SORL1: variants seen among roughly 807,000 people sequenced by gnomAD.
SORL1 encodes sortilin related receptor 1, also known as sortilin-related receptor.
In SORL1, 127 loss-of-function variants were observed where a neutral mutation model predicts 273.7. The ratio of observed to expected loss-of-function variants is 0.46; its 90% confidence interval spans 0.40 to 0.54. The LOEUF is 0.54. SORL1 is among the 20% of genes least tolerant of loss of function. The pLI is 0.00. For synonymous variants in SORL1, 1,031 were observed against 1,067.4 expected, an observed-to-expected ratio of 0.97 and a Z score of 0.66; for missense variants, 2,494 against 2,846.1, an observed-to-expected ratio of 0.88 and a Z score of 2.81.
At position 121,596,687 on chromosome 11, in the gene SORL1, C is replaced by T. The variant is rs1613318; in HGVS notation, c.4519+915C>T. ...CCCTTCCTTGCCAGGATAAGGGCTT[C>T]GTCCGTGCTTGCCTGATTCCTGTCC... On this transcript the variant is annotated intron_variant, in intron 32 of 47. Transcript: ENST00000260197. The surrounding 1 kb of genome is among the most constrained non-coding windows in gnomAD (Gnocchi z 4.3). Among the ~76,000 whole-genome samples, 12 of 152,306 alleles carry T rather than the reference C, an allele frequency of 7.9e-5. No individual in the cohort carries two copies. The highest frequency in any genetic ancestry group is 7.7e-4 in the East Asian group (4 of 5,184).
intron 11 of SORL1, among the ~76,000 whole-genome samples, chr11:121,527,669 T>C (rs1862143024): frequency 6.6e-6 from 1 of 152,204 alleles, no homozygotes; most frequent in Non-Finnish European, 1.5e-5. Context: ...GATACAAGGC[T>C]ATTCAGATTT....
Position 121,612,747 on chromosome 11 carries a change from T to C in SORL1, c.5334T>C (p.Tyr1778=), listed in dbSNP as rs746839635. The stretch of plus-strand genomic sequence containing the variant: ...TTGGTTCTCGGCAGGTGAATGGCTA[T>C]GTGGTGAACCTTTTCTGGGCATTTG... The part of the protein sequence containing the change: ...TMESDIKVNG[Y]VVNLFWAFDT... The change falls in exon 40 of 48, where the codon TAT becomes TAC. Residue 1778 remains tyrosine, a synonymous_variant. Coordinates refer to ENST00000260197, the MANE Select transcript of SORL1 (RefSeq NM_003105.6). 9.3e-6 allele frequency: 15 copies of C among 1,613,908 alleles called. No individual in the cohort carries two copies. The highest frequency in any genetic ancestry group is 1.3e-5 in the Non-Finnish European group (15 of 1,179,894).
At chr11:121,508,295 C>T (rs913625436) in intron 6 of SORL1, among the ~76,000 whole-genome samples, 3 of 152,178 alleles carry the variant, frequency 2.0e-5, no homozygotes, top group African/African-American at 7.2e-5. Context: ...ATGTGCTTGA[C>T]CTTGTAGAGT....
chr11:121,627,677 C>A lies in SORL1; in HGVS notation c.6487C>A (p.Arg2163=), dbSNP rs770645727. 1 of 1,614,106 alleles carries A rather than the reference C, an allele frequency of 6.2e-7. No homozygotes were observed. The highest frequency in any genetic ancestry group is 1.1e-5 in the South Asian group (1 of 91,074). ...GTTTGCCATCCTGTACACGAAGCAC[C>A]GGAGGCTGCAGAGCAGCTTCACCGC... ...VGFAILYTKH[R]RLQSSFTAFA... The change falls in exon 47 of 48, where the codon CGG becomes AGG. Residue 2163 remains arginine (R), a synonymous_variant. Transcript: ENST00000260197. This position sits in a 1 kb window ranked among gnomAD's most constrained non-coding sequence, Gnocchi z 4.9.
intron 27 of SORL1, among the ~76,000 whole-genome samples, chr11:121,586,542 G>T (rs1047937028): frequency 6.6e-6 from 1 of 152,142 alleles, no homozygotes. Flanking sequence ...AGAAAGCAGG[G>T]TTGGGGGCGA....
Position 121,629,645 on chromosome 11 carries a change from C to A in SORL1, c.*82C>A. 10 of 669,808 alleles carry A rather than the reference C, an allele frequency of 1.5e-5. No homozygotes were observed. The highest frequency in any genetic ancestry group is 5.4e-5 in the South Asian group (3 of 55,100). 41.5% of individuals were successfully genotyped at this position (669,808 alleles called of 1,614,324 possible). A position where few individuals can be genotyped will look rare whatever the true frequency, so the allele number is the denominator to read the frequency against. ...TTGATGGTTTATTTTAAAAGATGCACTTTGAGTTGCAATATGTTATTTTTA... is the reference window on the plus strand; with the variant it reads ...TTGATGGTTTATTTTAAAAGATGCAATTTGAGTTGCAATATGTTATTTTTA... On this transcript the variant is annotated 3_prime_UTR_variant, in exon 48 of 48. Coordinates refer to ENST00000260197, the MANE Select transcript of SORL1 (RefSeq NM_003105.6).
chr11:121,621,577 A>G (rs2134949018), intron 44 of SORL1, among the ~76,000 whole-genome samples: 1 of 152,334 alleles, frequency 6.6e-6, no homozygotes, highest in African/African-American at 2.4e-5. Flanking sequence ...CAAGTGCTGT[A>G]TCTGAGAATC....
intron 11 of SORL1, among the ~76,000 whole-genome samples, chr11:121,526,924 TTCTTC>T (rs1182110141): frequency 6.6e-6 from 1 of 151,738 alleles, no homozygotes; most frequent in African/African-American, 2.4e-5. Context: ...TATTCTCTCA[TTCTTC>T]TCTTCTTCCT....
chr11:121,631,364 C>CTCTTT lies in SORL1; in HGVS notation c.*1802_*1803insCTTTT, dbSNP rs56828381. 1 of 150,932 alleles carries CTCTTT rather than the reference C, an allele frequency of 6.6e-6. No individual in the cohort carries two copies. The highest frequency in any genetic ancestry group is 1.5e-5 in the Non-Finnish European group (1 of 67,646). 9.3% of individuals were successfully genotyped at this position (150,932 alleles called of 1,614,324 possible). A position where few individuals can be genotyped will look rare whatever the true frequency, so the allele number is the denominator to read the frequency against. On this transcript the variant is annotated 3_prime_UTR_variant, in exon 48 of 48. Coordinates refer to ENST00000260197, the MANE Select transcript of SORL1 (RefSeq NM_003105.6). ...TTTTCTCTTCTTTCCTGTCACTTTC[C>CTCTTT]TAAGTTTTTTTTTTTAAAGACTGGA...
At chr11:121,593,319 C>A (rs1343963928) in intron 31 of SORL1, among the ~76,000 whole-genome samples, 1 of 152,212 alleles carries the variant, frequency 6.6e-6, no homozygotes, top group Non-Finnish European at 1.5e-5. Flanking sequence ...TTAATAATTG[C>A]TTTTTTCATT....
At chr11:121,484,246 G>A (rs1861438330) in intron 3 of SORL1, among the ~76,000 whole-genome samples, 1 of 152,196 alleles carries the variant, frequency 6.6e-6, no homozygotes, top group Admixed American at 6.5e-5. Context: ...GATTAGGGAA[G>A]AGTCTAGAAA....
chr11:121,545,107 T>G, intron 13 of SORL1, 136 bp from the exon 14 acceptor site: 8 of 714,382 alleles, frequency 1.1e-5, no homozygotes, highest in South Asian at 1.8e-5. Context: ...AACAAGCTGA[T>G]TGGAGGGTCT....
chr11:121,486,641 G>A (rs1172587766), intron 3 of SORL1, among the ~76,000 whole-genome samples: 3 of 151,868 alleles, frequency 2.0e-5, no homozygotes, highest in African/African-American at 7.3e-5. Flanking sequence ...CACCATGCCC[G>A]GCTAATTTTT....
intron 1 of SORL1, among the ~76,000 whole-genome samples, chr11:121,467,324 G>A (rs1390311543): frequency 4.6e-5 from 7 of 152,096 alleles, no homozygotes; most frequent in Non-Finnish European, 8.8e-5. Flanking sequence ...ACCTGCCTTG[G>A]GATTGGTGAG....
intron 6 of SORL1, among the ~76,000 whole-genome samples, chr11:121,500,429 G>A (rs558290976): frequency 1.3e-5 from 2 of 152,314 alleles, no homozygotes; most frequent in East Asian, 1.9e-4. Context: ...TGCTGCAGAC[G>A]CTGTGTTCTA....
intron 11 of SORL1, among the ~76,000 whole-genome samples, chr11:121,527,449 A>C (rs981713067): frequency 1.3e-5 from 2 of 151,960 alleles, no homozygotes; most frequent in Non-Finnish European, 2.9e-5. Flanking sequence ...ACTTGTCTTT[A>C]ATTTGTTTTT....
rs774470793 is a variant in SORL1, at chr11:121,618,797, G to T, written c.5628G>T (p.Thr1876=). Residue 1876 remains threonine (T), a synonymous_variant, in exon 42 of 48, where the codon ACG becomes ACT. Transcript: ENST00000260197. ...AGGTTTATGGTATTTTCTATGCCAC[G>T]TCCTTTCTTGACCTCTATCGCAACC... ...RNVVYGIFYA[T]SFLDLYRNPK... is the part of the protein sequence containing the mutation. 5.6e-6 allele frequency: 9 copies of T among 1,613,906 alleles called. No homozygotes were observed. Among genetic ancestry groups the T allele is most frequent in the Admixed American group, 5.0e-5 (3 of 60,004 alleles).
intron 27 of SORL1, among the ~76,000 whole-genome samples, chr11:121,586,693 T>TGGGGGGGGGGGGGGGGGGGG (rs376563096): frequency 2.1e-5 from 2 of 97,160 alleles, no homozygotes; most frequent in African/African-American, 3.9e-5. Context: ...GGGGGTAGAG[T>TGGGGGGGGGGGGGGGGGGGG]GGGGGGGGGG....
intron 2 of SORL1, among the ~76,000 whole-genome samples, chr11:121,476,722 C>T (rs1351213166): frequency 1.4e-5 from 2 of 139,828 alleles, no homozygotes; most frequent in African/African-American, 2.7e-5. Flanking sequence ...CTCTCTCCCT[C>T]CCTTCTCCTC....
Sources: gnomAD v4.1 joint callset for allele counts (sites outside exome capture counted in the v4.1 genomes callset) on GRCh38, gnomAD v4.1.1 for gene constraint, Gnocchi (gnomAD v3.1) non-coding constraint, MANE v1.5 for transcripts, NCBI Gene and HGNC (gene_info 2026-07-23, HGNC 2026-07-21) for gene names.